CSMD2: variants seen among roughly 807,000 people sequenced by gnomAD.
The protein encoded by CSMD2 is CUB and sushi domain-containing protein 2.
CSMD2 carries 130 observed loss-of-function variants against 398.5 expected under a neutral mutation model. The observed-to-expected ratio is 0.33, with a 90% CI of 0.28 to 0.38. CSMD2 has a LOEUF of 0.38. Among genes scored for constraint, CSMD2 ranks in the 10% least tolerant of loss-of-function variants. The pLI is 1.00. For missense variants in CSMD2, 3,829 were observed against 4,764.9 expected (o/e 0.80, Z 5.78); for synonymous variants, 1,828 against 1,908.5 (o/e 0.96, Z 1.10).
In CSMD2 at chr1:34,141,605, G is replaced by A. The variant is rs535469210; in HGVS notation, c.187+23306C>T. 2.0e-5 allele frequency among the ~76,000 whole-genome samples: 3 copies of A among 152,328 alleles called. No homozygotes were observed. In the South Asian group the frequency reaches 6.2e-4, roughly 32 times the overall value. On this transcript the variant is annotated intron_variant, in intron 1 of 70. Coordinates refer to ENST00000373381, the MANE Select transcript of CSMD2 (RefSeq NM_001281956.2). ...CAACACCCAGTGTGTCTGAGGAACAGCAGAGAAGCCACTGGCCGGAGCAGA... is the reference window on the plus strand; with the variant it reads ...CAACACCCAGTGTGTCTGAGGAACAACAGAGAAGCCACTGGCCGGAGCAGA...
At chr1:33,961,986 G>T (rs1324520444) in intron 3 of CSMD2, among the ~76,000 whole-genome samples, 1 of 152,202 alleles carries the variant, frequency 6.6e-6, no homozygotes, top group African/African-American at 2.4e-5. Context: ...ATGTTGAGAA[G>T]ATTAAATGAG....
chr1:33,859,828 G>GAT (rs1162162810), intron 5 of CSMD2, among the ~76,000 whole-genome samples: 1 of 152,202 alleles, frequency 6.6e-6, no homozygotes, highest in Non-Finnish European at 1.5e-5. Flanking sequence ...TACTTTGACA[G>GAT]AGATATGCTA....
At chr1:33,605,553 A>C in intron 41 of CSMD2, 83 bp from the exon 42 acceptor site, 2 of 1,411,232 alleles carry the variant, frequency 1.4e-6, no homozygotes, top group Middle Eastern at 2.0e-4. Flanking sequence ...GTGAAGCCTC[A>C]AGATTTGGAC....
intron 5 of CSMD2, chr1:33,864,468 C>G: frequency 6.2e-7 from 1 of 1,613,418 alleles, no homozygotes. Context: ...TCCCCAGGAA[C>G]CCAGACGGCC....
At chr1:33,547,619 A>G (rs562810509) in intron 56 of CSMD2, among the ~76,000 whole-genome samples, 81 of 152,314 alleles carry the variant, frequency 5.3e-4, no homozygotes, top group Admixed American at 1.1e-3. Flanking sequence ...ACCTAACCAC[A>G]TGTTCTCCAT....
intron 2 of CSMD2, among the ~76,000 whole-genome samples, chr1:34,072,737 G>C (rs1390755577): frequency 1.3e-5 from 2 of 152,100 alleles, no homozygotes; most frequent in Non-Finnish European, 2.9e-5. Flanking sequence ...ACTGTGAGTG[G>C]AGAGATTGCT....
chr1:34,157,820 T>A (rs929887908), intron 1 of CSMD2, among the ~76,000 whole-genome samples: 13 of 152,018 alleles, frequency 8.6e-5, no homozygotes, highest in African/African-American at 2.7e-4. Flanking sequence ...AATTAGGCTG[T>A]TTCTCCAATC....
chr1:33,757,527 G>A (rs1273406059), intron 13 of CSMD2, among the ~76,000 whole-genome samples: 1 of 152,012 alleles, frequency 6.6e-6, no homozygotes, highest in Non-Finnish European at 1.5e-5. Context: ...GTTTGCCCTA[G>A]GCGCTCTTCT....
At position 33,605,853 on chromosome 1, in the gene CSMD2, C is replaced by T. The variant is rs112166891; in HGVS notation, c.6344-383G>A. ...GCCTAACTCCTTTCATGTTGCTTAT[C>T]TCATTGAACCTTCACAACCAGGATC... On this transcript the variant is annotated intron_variant, in intron 41 of 70. Transcript: ENST00000373381. The T allele has an allele frequency of 7.9e-4, 1,264 of 1,609,268 alleles. 14 individuals are homozygous for T. In the African/African-American group the frequency reaches 0.015, roughly 19 times the overall value.
chr1:34,099,960 G>C (rs1359460992), intron 1 of CSMD2, among the ~76,000 whole-genome samples: 1 of 152,192 alleles, frequency 6.6e-6, no homozygotes, highest in Non-Finnish European at 1.5e-5. Flanking sequence ...AAGGTGGAAG[G>C]CCATTGTATT....
intron 13 of CSMD2, among the ~76,000 whole-genome samples, chr1:33,745,268 T>C (rs919413023): frequency 2.0e-5 from 3 of 152,184 alleles, no homozygotes; most frequent in African/African-American, 4.8e-5. Flanking sequence ...AAATAAAAAC[T>C]ATATCAGGGT....
intron 15 of CSMD2, among the ~76,000 whole-genome samples, chr1:33,730,710 T>C (rs1291949834): frequency 6.6e-6 from 1 of 152,140 alleles, no homozygotes. Context: ...GCATGTCCTA[T>C]GAATTGGGAA....
At chr1:33,591,974 T>A (rs1488693955) in intron 44 of CSMD2, 1 of 185,532 alleles carries the variant, frequency 5.4e-6, no homozygotes, top group African/African-American at 2.4e-5. Flanking sequence ...TTATAACATA[T>A]CAAGCAATAT....
chr1:33,521,520 T>A lies in CSMD2; in HGVS notation c.10540A>T (p.Ile3514Phe). 6.2e-7 allele frequency: 1 copy of A among 1,613,596 alleles called. No individual in the cohort carries two copies. The highest frequency in any genetic ancestry group is 1.1e-5 in the South Asian group (1 of 91,072). The change falls in exon 68 of 71, where the codon ATC (isoleucine) becomes TTC (phenylalanine). Residue 3514 changes from isoleucine (I) to phenylalanine (F), a missense_variant. Ile to Phe is a conservative substitution (Grantham distance 21, BLOSUM62 0). Around this residue, in one of 5 missense-constraint regions of CSMD2, gnomAD observed 917 missense variants for 1,199.5 expected, o/e 0.76. Coordinates refer to ENST00000373381, the MANE Select transcript of CSMD2 (RefSeq NM_001281956.2). ...TGGCCCTTGACAGAGCCTTGGTAGA[T>A]GAAGGTGGCTCCGGAGGACTCTGAC... ...VSSESSGATF[I>F]YQGSVKGQGF...
chr1:34,158,195 C>T (rs779752847), intron 1 of CSMD2, among the ~76,000 whole-genome samples: 103 of 152,186 alleles, frequency 6.8e-4, no homozygotes, highest in Admixed American at 2.6e-4. Flanking sequence ...GAAACTCCCA[C>T]GTTGCATAGC....
chr1:33,670,091 CT>C (rs1456110863), intron 25 of CSMD2, among the ~76,000 whole-genome samples: 1 of 152,216 alleles, frequency 6.6e-6, no homozygotes, highest in African/African-American at 2.4e-5. Context: ...CTTCTACCCC[CT>C]GACTGATGTG....
chr1:33,985,944 T>C (rs886433798), intron 3 of CSMD2, among the ~76,000 whole-genome samples: 1 of 152,162 alleles, frequency 6.6e-6, no homozygotes, highest in Non-Finnish European at 1.5e-5. Context: ...CTCTCTGCTC[T>C]GAGCTGTTTC....
intron 40 of CSMD2, among the ~76,000 whole-genome samples, chr1:33,611,545 T>A (rs1641006829): frequency 6.6e-6 from 1 of 152,254 alleles, no homozygotes; most frequent in Non-Finnish European, 1.5e-5. Context: ...AACACTTGTT[T>A]AAATTTATGA....
At position 33,964,054 on chromosome 1, in the gene CSMD2, C is replaced by T. The variant is rs149541918; in HGVS notation, c.518-28100G>A. ...TCACCTACAGTGTACGAGAGTCTCCCTGAGGGTGCAGATTTTTAAAAGATC... is the reference window on the plus strand; with the variant it reads ...TCACCTACAGTGTACGAGAGTCTCCTTGAGGGTGCAGATTTTTAAAAGATC... On this transcript the variant is annotated intron_variant, in intron 3 of 70. Coordinates refer to ENST00000373381, the MANE Select transcript of CSMD2 (RefSeq NM_001281956.2). Among the ~76,000 whole-genome samples the T allele has an allele frequency of 7.2e-5, 11 of 152,290 alleles. No homozygotes were observed. In the East Asian group the frequency reaches 2.1e-3, roughly 29 times the overall value.
Sources: gnomAD v4.1 joint callset for allele counts (sites outside exome capture counted in the v4.1 genomes callset) on GRCh38, gnomAD v4.1.1 for gene constraint, gnomAD v4.1.1 regional missense constraint, MANE v1.5 for transcripts, NCBI Gene and HGNC (gene_info 2026-07-23, HGNC 2026-07-21) for gene names.